WAPL: variants seen among roughly 807,000 people sequenced by gnomAD.
The protein encoded by WAPL is wings apart-like protein homolog.
WAPL carries 5 observed loss-of-function variants against 121.0 expected under a neutral mutation model. The observed-to-expected ratio is 0.04, with a 90% CI of 0.02 to 0.09. WAPL has a LOEUF of 0.09. Among genes scored for constraint, WAPL ranks in the 10% least tolerant of loss-of-function variants. The pLI, the probability that WAPL is intolerant of heterozygous loss-of-function variation, is 1.00. For synonymous variants in WAPL, 480 were observed against 481.5 expected (o/e 1.00, Z 0.04); for missense variants, 999 against 1,410.8 (o/e 0.71, Z 4.68).
rs1486499497 is a variant in WAPL at position 86,517,658 on chromosome 10, C to T, written c.412G>A (p.Asp138Asn). ...CTCTTTTCTTTCCCAAGTAAAGTGT[C>T]CTCCAAAGGGAAGCATTTATCAGAA... The part of the protein sequence containing the change: ...VVSDKCFPLE[D>N]TLLGKEKSTN... Residue 138 changes from aspartate to asparagine, a missense_variant, in exon 2 of 19, where the codon GAC (aspartate) becomes AAC (asparagine). Around this residue, in one of 7 missense-constraint regions of WAPL, gnomAD observed 531 missense variants for 563.1 expected, o/e 0.94. Coordinates refer to ENST00000298767, the MANE Select transcript of WAPL (RefSeq NM_015045.5). The T allele has an allele frequency of 7.4e-6, 12 of 1,613,992 alleles. No homozygotes were observed. Among genetic ancestry groups the T allele is most frequent in the African/African-American group, 1.3e-5 (1 of 74,920 alleles).
chr10:86,483,975 T>A (rs1342551878), intron 4 of WAPL, among the ~76,000 whole-genome samples: 1 of 150,604 alleles, frequency 6.6e-6, no homozygotes, highest in Non-Finnish European at 1.5e-5. Context: ...TGCCTCAACT[T>A]CCCCAAGTGC....
In WAPL at chr10:86,448,633, G is replaced by A. The variant is rs569719993; in HGVS notation, c.3115-2184C>T. Reference sequence around the variant, plus strand: ...TTGCACATTTTTTTATTTACTTTTCGGACAGGGTCTTATTCCCATTGCCCA... The same window carrying A: ...TTGCACATTTTTTTATTTACTTTTCAGACAGGGTCTTATTCCCATTGCCCA... On this transcript the variant is annotated intron_variant, in intron 15 of 18. Coordinates refer to ENST00000298767, the MANE Select transcript of WAPL (RefSeq NM_015045.5). Among the ~76,000 whole-genome samples, 15 of 152,002 alleles carry A rather than the reference G, an allele frequency of 9.9e-5. 1 individual carries two copies. In the East Asian group the frequency reaches 1.4e-3, roughly 14 times the overall value.
chr10:86,508,114 A>T (rs1410672841), intron 2 of WAPL, among the ~76,000 whole-genome samples: 6 of 152,178 alleles, frequency 3.9e-5, no homozygotes, highest in African/African-American at 1.4e-4. Flanking sequence ...ACCAACTTCA[A>T]CTAAGGCCTC....
At chr10:86,446,201 C>T in intron 16 of WAPL, 41 bp downstream of exon 16, 1 of 1,601,386 alleles carries the variant, frequency 6.2e-7, no homozygotes, top group Non-Finnish European at 8.5e-7. Flanking sequence ...AAAATCAAAC[C>T]ACTATCTTCA....
intron 4 of WAPL, among the ~76,000 whole-genome samples, chr10:86,486,686 T>C (rs773836427): frequency 1.2e-4 from 18 of 152,188 alleles, no homozygotes; most frequent in Non-Finnish European, 2.2e-4. Flanking sequence ...CTGGGCATGA[T>C]GGCTTATGCC....
At chr10:86,520,023 C>T (rs573852314) in intron 1 of WAPL, among the ~76,000 whole-genome samples, 69 of 152,262 alleles carry the variant, frequency 4.5e-4, no homozygotes, top group African/African-American at 1.2e-3. Context: ...TGGCTGGGGG[C>T]GGCAGGTCAC....
At chr10:86,513,258 A>G (rs1470510463) in intron 2 of WAPL, among the ~76,000 whole-genome samples, 1 of 151,264 alleles carries the variant, frequency 6.6e-6, no homozygotes, top group Non-Finnish European at 1.5e-5. Flanking sequence ...TCGGCCTCCC[A>G]AAGTGCTGGA....
chr10:86,476,698 A>AT (rs1437604538), intron 4 of WAPL, among the ~76,000 whole-genome samples: 1 of 152,162 alleles, frequency 6.6e-6, no homozygotes, highest in East Asian at 1.9e-4. Context: ...AAAAAAAAAA[A>AT]AAAAAAAGTG....
At chr10:86,460,805 C>G (rs1841252635) in intron 10 of WAPL, among the ~76,000 whole-genome samples, 2 of 152,128 alleles carry the variant, frequency 1.3e-5, no homozygotes, top group Admixed American at 1.3e-4. Context: ...CCTCCACCTC[C>G]CACATTCAAG....
intron 11 of WAPL, among the ~76,000 whole-genome samples, chr10:86,459,690 C>T (rs937969020): frequency 2.0e-5 from 3 of 152,190 alleles, no homozygotes; most frequent in Non-Finnish European, 4.4e-5. Flanking sequence ...TGCCTATAAA[C>T]AATCTGACTC....
At chr10:86,444,996 G>C (rs1044955234) in intron 16 of WAPL, among the ~76,000 whole-genome samples, 5 of 151,964 alleles carry the variant, frequency 3.3e-5, no homozygotes, top group Admixed American at 6.6e-5. Flanking sequence ...GATTTGGGGA[G>C]GAGTGGGAGT....
intron 4 of WAPL, among the ~76,000 whole-genome samples, chr10:86,477,491 AT>A (rs1479734220): frequency 6.6e-6 from 1 of 152,120 alleles, no homozygotes; most frequent in Admixed American, 6.5e-5. Context: ...AATCTTCTTA[AT>A]TTTATTCTTG....
intron 16 of WAPL, chr10:86,443,680 C>T (rs1849530584): frequency 4.1e-6 from 1 of 242,628 alleles, no homozygotes. Flanking sequence ...GTATCCAGAA[C>T]ATATAAAAAA....
intron 17 of WAPL, among the ~76,000 whole-genome samples, chr10:86,438,905 C>A (rs1849392853): frequency 6.6e-6 from 1 of 152,114 alleles, no homozygotes; most frequent in African/African-American, 2.4e-5. Flanking sequence ...GAAAACATTA[C>A]ACAACCTGCT....
chr10:86,446,353 C>T lies in WAPL; in HGVS notation c.3211G>A (p.Glu1071Lys), dbSNP rs760537091. The T allele has an allele frequency of 6.2e-7, 1 of 1,614,080 alleles. No homozygotes were observed. Among genetic ancestry groups the T allele is most frequent in the Non-Finnish European group, 8.5e-7 (1 of 1,180,042 alleles). The change falls in exon 16 of 19, where the codon GAG (glutamate) becomes AAG (lysine). Residue 1071 changes from glutamate to lysine, a missense_variant. Transcript: ENST00000298767. ...APTTQHDKSG[E>K]WQETSGEIQW... ...ATTTCTCCACTTGTTTCTTGCCACT[C>T]TCCACTCTTATCATGCTGAGTGGTG...
intron 2 of WAPL, among the ~76,000 whole-genome samples, chr10:86,516,460 G>A (rs754149592): frequency 6.6e-6 from 1 of 152,110 alleles, no homozygotes; most frequent in Non-Finnish European, 1.5e-5. Context: ...TTTTGTCTGT[G>A]TTTACTTCCT....
chr10:86,436,416 G>GAAC lies in WAPL; in HGVS notation c.*1126_*1127insGTT, dbSNP rs10639405. 146,700 of 152,548 alleles carry GAAC rather than the reference G, an allele frequency of 0.96. 70,682 individuals are homozygous for GAAC. Among genetic ancestry groups the GAAC allele is most frequent in the East Asian group, 1 (5,177 of 5,186 alleles). 9.4% of individuals were successfully genotyped at this position (152,548 alleles called of 1,614,324 possible). A position where few individuals can be genotyped will look rare whatever the true frequency, so the allele number is the denominator to read the frequency against. ...AAAAAAAAAGTATAACCAGTGGTGT[G>GAAC]AATAATACAAGAAAAATTTGCAATG... On this transcript the variant is annotated 3_prime_UTR_variant, in exon 19 of 19. Coordinates refer to ENST00000298767, the MANE Select transcript of WAPL (RefSeq NM_015045.5).
At chr10:86,500,805 CAT>C (rs1230517209) in intron 2 of WAPL, 62 bp from the exon 3 acceptor site, 87 of 1,311,286 alleles carry the variant, frequency 6.6e-5, no homozygotes, top group African/African-American at 3.9e-4. Context: ...TAATAAATAA[CAT>C]ATATGTGGTT....
intron 1 of WAPL, among the ~76,000 whole-genome samples, chr10:86,519,387 C>T (rs1378795060): frequency 1.0e-4 from 12 of 118,040 alleles, no homozygotes; most frequent in African/African-American, 2.9e-4. Context: ...TTATATTTGA[C>T]CTATACTTTT....
Sources: gnomAD v4.1 joint callset for allele counts (sites outside exome capture counted in the v4.1 genomes callset) on GRCh38, gnomAD v4.1.1 for gene constraint, gnomAD v4.1.1 regional missense constraint, MANE v1.5 for transcripts, NCBI Gene and HGNC (gene_info 2026-07-23, HGNC 2026-07-21) for gene names.